The following UBL3 variants were observed in gnomAD, a reference collection of about 807,000 sequenced individuals.
UBL3 encodes the protein ubiquitin-like protein 3.
A neutral mutation model predicts 18.4 loss-of-function variants in UBL3; 6 were observed. The observed-to-expected ratio is 0.33, with a 90% CI of 0.18 to 0.64. The LOEUF (loss-of-function observed/expected upper bound fraction) is 0.64. UBL3 is among the 30% of genes least tolerant of loss of function. The pLI, the probability that UBL3 is intolerant of heterozygous loss-of-function variation, is 0.76. For missense variants in UBL3, 109 were observed against 142.9 expected, an observed-to-expected ratio of 0.76 and a Z score of 1.21; for synonymous variants, 49 against 46.6, an observed-to-expected ratio of 1.05 and a Z score of -0.21.
intron 1 of UBL3, among the ~76,000 whole-genome samples, chr13:29,791,646 C>T (rs9551742): frequency 2.0e-5 from 3 of 152,112 alleles, no homozygotes; most frequent in Non-Finnish European, 4.4e-5. Context: ...CTCAAACCTA[C>T]ACTACTCCTT....
intron 1 of UBL3, among the ~76,000 whole-genome samples, chr13:29,786,603 A>G (rs1331254645): frequency 6.6e-6 from 1 of 152,258 alleles, no homozygotes; most frequent in African/African-American, 2.4e-5. Context: ...AATTTAAGCC[A>G]TCTGTGAAAA....
At chr13:29,828,320 C>T (rs1878678087) in intron 1 of UBL3, among the ~76,000 whole-genome samples, 1 of 152,200 alleles carries the variant, frequency 6.6e-6, no homozygotes, top group Non-Finnish European at 1.5e-5. Context: ...GTACACCAAT[C>T]AGATGTAGAT....
At chr13:29,772,300 G>A in intron 2 of UBL3, 102 bp from the exon 3 acceptor site, 1 of 885,572 alleles carries the variant, frequency 1.1e-6, no homozygotes, top group East Asian at 2.7e-5. Context: ...AGAGTACAAA[G>A]AAGGCCCTTG....
chr13:29,829,665 G>A (rs748421704), intron 1 of UBL3, among the ~76,000 whole-genome samples: 4 of 152,026 alleles, frequency 2.6e-5, no homozygotes, highest in South Asian at 2.1e-4. Flanking sequence ...GCCCTGCTTC[G>A]GCTCACGCTC....
chr13:29,787,702 T>A (rs1877360729), intron 1 of UBL3, among the ~76,000 whole-genome samples: 1 of 152,208 alleles, frequency 6.6e-6, no homozygotes, highest in African/African-American at 2.4e-5. Context: ...TTTGAATGAA[T>A]TCAAAAGTAC....
intron 1 of UBL3, among the ~76,000 whole-genome samples, chr13:29,831,446 G>A (rs986642171): frequency 1.3e-5 from 2 of 151,976 alleles, no homozygotes; most frequent in African/African-American, 4.8e-5. Context: ...AAAATTAGCC[G>A]GGGTGGTAGT....
chr13:29,814,913 T>C (rs540001106), intron 1 of UBL3, among the ~76,000 whole-genome samples: 1 of 152,306 alleles, frequency 6.6e-6, no homozygotes, highest in East Asian at 1.9e-4. Context: ...CAGAAATGTT[T>C]TGTCTAATTA....
chr13:29,810,978 A>G (rs910845922), intron 1 of UBL3, among the ~76,000 whole-genome samples: 5 of 152,104 alleles, frequency 3.3e-5, no homozygotes, highest in Admixed American at 6.6e-5. Context: ...GACCCTTGAC[A>G]TCGTTCAAGT....
At chr13:29,824,741 T>C (rs541469388) in intron 1 of UBL3, among the ~76,000 whole-genome samples, 1 of 152,364 alleles carries the variant, frequency 6.6e-6, no homozygotes, top group Non-Finnish European at 1.5e-5. Context: ...TTGGCTTTTG[T>C]TGCCATTGCT....
At chr13:29,824,279 CCA>C (rs1229618174) in intron 1 of UBL3, among the ~76,000 whole-genome samples, 1 of 152,184 alleles carries the variant, frequency 6.6e-6, no homozygotes, top group Non-Finnish European at 1.5e-5. Context: ...TGAGGAATCA[CCA>C]CACTGTCTTC....
intron 1 of UBL3, among the ~76,000 whole-genome samples, chr13:29,791,791 C>G (rs1877485905): frequency 6.6e-6 from 1 of 151,860 alleles, no homozygotes; most frequent in Admixed American, 6.6e-5. Context: ...TCAAAAGTAC[C>G]TCAATTTAGA....
chr13:29,788,915 T>C (rs1018471170), intron 1 of UBL3, among the ~76,000 whole-genome samples: 1 of 140,602 alleles, frequency 7.1e-6, no homozygotes, highest in Non-Finnish European at 1.6e-5. Context: ...GTGTGTGTGT[T>C]TGAGACGGAG....
chr13:29,802,516 C>T (rs1418633617), intron 1 of UBL3, among the ~76,000 whole-genome samples: 1 of 152,174 alleles, frequency 6.6e-6, no homozygotes, highest in African/African-American at 2.4e-5. Context: ...AAATGAAGAT[C>T]ATCAAGGTTC....
At chr13:29,820,843 TA>T (rs892658143) in intron 1 of UBL3, among the ~76,000 whole-genome samples, 2 of 152,214 alleles carry the variant, frequency 1.3e-5, no homozygotes, top group Non-Finnish European at 2.9e-5. Context: ...CATGCATATA[TA>T]AAATGAACTG....
intron 2 of UBL3, among the ~76,000 whole-genome samples, chr13:29,774,871 G>A (rs1383803467): frequency 1.3e-5 from 2 of 152,004 alleles, no homozygotes; most frequent in East Asian, 3.9e-4. Context: ...GTGCAGCCTT[G>A]GGGTTTTAGT....
intron 1 of UBL3, among the ~76,000 whole-genome samples, chr13:29,780,353 C>CAAAAAAAAAAAAA (rs71746248): frequency 1.2e-4 from 1 of 8,410 alleles, no homozygotes; most frequent in Non-Finnish European, 2.5e-4. Context: ...GACTCTGTCT[C>CAAAAAAAAAAAAA]AAAAAAAAAA....
intron 3 of UBL3, among the ~76,000 whole-genome samples, chr13:29,768,223 C>G (rs1876744338): frequency 1.3e-5 from 2 of 152,042 alleles, no homozygotes; most frequent in Admixed American, 1.3e-4. Flanking sequence ...TTAAAATAAT[C>G]ACTTTCTTGG....
chr13:29,765,011 A>C lies in UBL3; in HGVS notation c.*2244T>G, dbSNP rs1233324506. The stretch of plus-strand genomic sequence containing the variant: ...TTCTTTTTTTTCATATTGTACAACT[A>C]TGATATTAGGTATTAAGCGACGTAA... On this transcript the variant is annotated 3_prime_UTR_variant, in exon 5 of 5. Transcript: ENST00000380680. 6.6e-6 allele frequency: 1 copy of C among 152,088 alleles called. No individual in the cohort carries two copies. The highest frequency in any genetic ancestry group is 1.5e-5 in the Non-Finnish European group (1 of 68,002). 9.4% of individuals were successfully genotyped at this position (152,088 alleles called of 1,614,324 possible).
chr13:29,808,877 G>T (rs932631926), intron 1 of UBL3, among the ~76,000 whole-genome samples: 1 of 151,760 alleles, frequency 6.6e-6, no homozygotes, highest in East Asian at 1.9e-4. Context: ...GTTGTGCCCA[G>T]GTATAAAAGT....
Sources: gnomAD v4.1 joint callset for allele counts (sites outside exome capture counted in the v4.1 genomes callset) on GRCh38, gnomAD v4.1.1 for gene constraint, MANE v1.5 for transcripts, NCBI Gene and HGNC (gene_info 2026-07-23, HGNC 2026-07-21) for gene names.